The following RBFOX1 variants were observed in gnomAD, a reference collection of about 807,000 sequenced individuals.
The protein encoded by RBFOX1 is RNA binding protein fox-1 homolog 1.
RBFOX1 carries 8 observed loss-of-function variants against 57.7 expected under a neutral mutation model. The ratio of observed to expected loss-of-function variants is 0.14; its 90% CI spans 0.08 to 0.25. RBFOX1 has a LOEUF of 0.25. Ranked by LOEUF, RBFOX1 falls within the 10% of genes least tolerant of loss-of-function variation. RBFOX1 has a pLI of 1.00. For synonymous variants in RBFOX1, 326 were observed against 222.4 expected (o/e 1.47, Z -4.15); for missense variants, 611 against 548.5 (o/e 1.11, Z -1.14).
Position 5,856,284 on chromosome 16 carries a change from T to TACAC in RBFOX1, c.319-10995_319-10992dup, listed in dbSNP as rs57736862. ...ATGTATATATATATACACATATATATACACACACACACACACACACACACA... is the reference window on the plus strand; with the variant it reads ...ATGTATATATATATACACATATATATACACACACACACACACACACACACACACA... On this transcript the variant is annotated intron_variant, in intron 3 of 19. Transcript: ENST00000641259. 5.6e-4 allele frequency among the ~76,000 whole-genome samples: 48 copies of TACAC among 86,314 alleles called. 3 individuals carry two copies. In the East Asian group the frequency reaches 6.3e-3, roughly 11 times the overall value. The allele number at this position is 86,314 out of a possible 152,430, so 56.6% of individuals were successfully genotyped here.
intron 3 of RBFOX1, among the ~76,000 whole-genome samples, chr16:6,914,067 C>A (rs890849123): frequency 6.6e-6 from 1 of 152,190 alleles, no homozygotes; most frequent in Non-Finnish European, 1.5e-5. Context: ...AGAAACCCAT[C>A]TTTTGTTTTA....
chr16:7,552,218 T>C (rs924142876), intron 5 of RBFOX1, among the ~76,000 whole-genome samples: 1 of 152,232 alleles, frequency 6.6e-6, no homozygotes, highest in South Asian at 2.1e-4. Flanking sequence ...TACTTCTTTT[T>C]TCATAGAATT....
intron 4 of RBFOX1, among the ~76,000 whole-genome samples, chr16:7,319,700 C>T (rs985194836): frequency 6.6e-6 from 1 of 152,164 alleles, no homozygotes; most frequent in African/African-American, 2.4e-5. Flanking sequence ...GGGTTCCTTA[C>T]TTAGCAATTA....
In RBFOX1 at chr16:6,489,682, C is replaced by T. The variant is rs565922524; in HGVS notation, c.-63-164921C>T. On this transcript the variant is annotated intron_variant, in intron 2 of 15. Coordinates refer to ENST00000550418, the MANE Select transcript of RBFOX1 (RefSeq NM_018723.4). Reference sequence around the variant, plus strand: ...ATTTTGGAGTGCTTGATGAGGAAAACGGACTTACCTGTTTTTGAAAGAGCA... The same window carrying T: ...ATTTTGGAGTGCTTGATGAGGAAAATGGACTTACCTGTTTTTGAAAGAGCA... Among the ~76,000 whole-genome samples, 20 of 152,206 alleles carry T rather than the reference C, an allele frequency of 1.3e-4. 1 individual carries two copies. Among genetic ancestry groups the T allele is most frequent in the South Asian group, 6.2e-4 (3 of 4,814 alleles).
chr16:6,742,974 C>T (rs750427831), intron 3 of RBFOX1, among the ~76,000 whole-genome samples: 1 of 152,022 alleles, frequency 6.6e-6, no homozygotes, highest in African/African-American at 2.4e-5. Flanking sequence ...TTATCAATGT[C>T]AATATCATAT....
rs2059570610 is a variant in RBFOX1, at chr16:5,953,873, T to C, written c.351+86538T>C. On this transcript the variant is annotated intron_variant, in intron 4 of 19. Coordinates refer to the RBFOX1 transcript ENST00000641259. ...TAGATACCCAGTAGTGGGATTGCTG[T>C]ATACTTACACTAAAAATGAGTTGTT... is the stretch of plus-strand genomic sequence containing the variant. 2.6e-5 allele frequency among the ~76,000 whole-genome samples: 4 copies of C among 152,188 alleles called. No homozygotes were observed. In the South Asian group the frequency reaches 8.3e-4, roughly 32 times the overall value.
chr16:6,384,818 A>T (rs1301867889), intron 2 of RBFOX1, among the ~76,000 whole-genome samples: 1 of 152,184 alleles, frequency 6.6e-6, no homozygotes, highest in Non-Finnish European at 1.5e-5. Flanking sequence ...TAGTCACATC[A>T]TGGAGCTCTT....
At chr16:7,293,088 G>A (rs2095825088) in intron 4 of RBFOX1, among the ~76,000 whole-genome samples, 1 of 152,130 alleles carries the variant, frequency 6.6e-6, no homozygotes, top group African/African-American at 2.4e-5. Context: ...CATTTTCAAG[G>A]ATGTGATAGA....
At chr16:7,330,635 T>C (rs2096676902) in intron 4 of RBFOX1, among the ~76,000 whole-genome samples, 1 of 152,042 alleles carries the variant, frequency 6.6e-6, no homozygotes, top group Non-Finnish European at 1.5e-5. Context: ...CATTCTTGAT[T>C]AAGAGTAAGG....
chr16:6,081,427 G>T (rs983819422), intron 1 of RBFOX1, among the ~76,000 whole-genome samples: 1 of 152,146 alleles, frequency 6.6e-6, no homozygotes, highest in African/African-American at 2.4e-5. Context: ...CACATTTTGA[G>T]ACATTTTTAC....
chr16:5,876,573 C>A (rs1300231717), intron 4 of RBFOX1, among the ~76,000 whole-genome samples: 1 of 152,158 alleles, frequency 6.6e-6, no homozygotes, highest in East Asian at 1.9e-4. Flanking sequence ...CAAGGCTTCC[C>A]CTGCTACAGC....
At chr16:5,515,628 G>A (rs1053215019) in intron 2 of RBFOX1, among the ~76,000 whole-genome samples, 24 of 152,142 alleles carry the variant, frequency 1.6e-4, no homozygotes, top group African/African-American at 3.6e-4. Flanking sequence ...ATTTGGGTAC[G>A]GTTGAAGTAG....
chr16:6,156,637 G>T (rs909134827), intron 1 of RBFOX1, among the ~76,000 whole-genome samples: 1 of 152,084 alleles, frequency 6.6e-6, no homozygotes, highest in Non-Finnish European at 1.5e-5. Context: ...TGAGGGTTGT[G>T]GGGGGATCCA....
At chr16:6,762,078 T>G (rs1044328841) in intron 3 of RBFOX1, among the ~76,000 whole-genome samples, 5 of 152,166 alleles carry the variant, frequency 3.3e-5, no homozygotes, top group Non-Finnish European at 7.4e-5. Flanking sequence ...TCTCCACATG[T>G]GGTTCTATCT....
At chr16:5,613,033 CATGAGAATGGGA>C (rs1196612096) in intron 3 of RBFOX1, among the ~76,000 whole-genome samples, 1 of 152,100 alleles carries the variant, frequency 6.6e-6, no homozygotes, top group Non-Finnish European at 1.5e-5. Flanking sequence ...CTCAGGGGCC[CATGAGAATGGGA>C]CTAAGGCTAG....
At chr16:6,977,632 C>A (rs1230350366) in intron 3 of RBFOX1, among the ~76,000 whole-genome samples, 1 of 152,108 alleles carries the variant, frequency 6.6e-6, no homozygotes, top group Non-Finnish European at 1.5e-5. Flanking sequence ...ACGGCAGGCC[C>A]CCGGCTGGTC....
At chr16:6,696,236 T>C (rs1008393072) in intron 3 of RBFOX1, among the ~76,000 whole-genome samples, 10 of 152,224 alleles carry the variant, frequency 6.6e-5, no homozygotes, top group African/African-American at 2.2e-4. Flanking sequence ...CAATATCTGT[T>C]TGTACCACTA....
At chr16:7,661,942 C>G (rs1007188636) in intron 12 of RBFOX1, among the ~76,000 whole-genome samples, 2 of 152,284 alleles carry the variant, frequency 1.3e-5, no homozygotes, top group African/African-American at 2.4e-5. Flanking sequence ...CCGGCATGTT[C>G]TTTCCTCACC....
intron 4 of RBFOX1, among the ~76,000 whole-genome samples, chr16:7,477,746 A>C (rs8063906): frequency 0.05 from 7,634 of 152,218 alleles, 589 homozygotes; most frequent in East Asian, 0.33. Context: ...AACATCATCC[A>C]CTGCAAATAT....
Sources: gnomAD v4.1 joint callset for allele counts (sites outside exome capture counted in the v4.1 genomes callset) on GRCh38, gnomAD v4.1.1 for gene constraint, MANE v1.5 for transcripts, NCBI Gene and HGNC (gene_info 2026-07-23, HGNC 2026-07-21) for gene names.